KLF8: variants seen among roughly 807,000 people sequenced by gnomAD.
The protein encoded by KLF8 is KLF transcription factor 8.
KLF8 carries 10 observed loss-of-function variants against 18.2 expected under a neutral mutation model. That is an observed-to-expected ratio of 0.55 (90% confidence interval 0.34 to 0.93). The LOEUF is 0.93. Ranked by LOEUF, KLF8 falls within the 40% of genes least tolerant of loss-of-function variation. The pLI, the probability that KLF8 is intolerant of heterozygous loss-of-function variation, is 0.02. For synonymous variants in KLF8, 109 were observed against 97.3 expected (o/e 1.12, Z -0.71); for missense variants, 264 against 277.9 (o/e 0.95, Z 0.36).
chrX:56,181,251 T>A, the KLF8 span, among the ~76,000 whole-genome samples: 1 of 111,542 alleles, frequency 9.0e-6, no homozygotes, highest in Non-Finnish European at 1.9e-5. Context: ...TTTGTTGGTT[T>A]AAAGTCTGTT....
chrX:56,262,624 A>G (rs1294764424), intron 2 of KLF8, among the ~76,000 whole-genome samples: 4 of 111,494 alleles, frequency 3.6e-5, no homozygotes, highest in Non-Finnish European at 7.5e-5. Context: ...ACCCACAACT[A>G]TATTCTTACA....
the KLF8 span, among the ~76,000 whole-genome samples, chrX:56,087,815 T>G: frequency 3.6e-5 from 4 of 112,015 alleles, no homozygotes; most frequent in Non-Finnish European, 7.5e-5. Flanking sequence ...TTATTTACTT[T>G]GTTAATCAAT....
the KLF8 span, among the ~76,000 whole-genome samples, chrX:56,176,609 T>C: frequency 1.8e-5 from 2 of 111,063 alleles, no homozygotes; most frequent in Admixed American, 1.9e-4. Flanking sequence ...AGGAATATCT[T>C]TGTGGTGTTC....
At chrX:56,063,916 A>G in the KLF8 span, among the ~76,000 whole-genome samples, 3 of 109,630 alleles carry the variant, frequency 2.7e-5, no homozygotes, top group Admixed American at 9.9e-5. Context: ...TAGGCTCCCT[A>G]TGTGTTCTAA....
At chrX:56,103,858 T>C in the KLF8 span, among the ~76,000 whole-genome samples, 4 of 111,119 alleles carry the variant, frequency 3.6e-5, no homozygotes, top group Admixed American at 1.9e-4. Context: ...TTGTCATAGA[T>C]AGCTCTTATT....
the KLF8 span, among the ~76,000 whole-genome samples, chrX:56,085,109 T>A: frequency 1.8e-5 from 2 of 112,117 alleles, no homozygotes; most frequent in African/African-American, 6.5e-5. Context: ...TCTGAGCTAA[T>A]TAGCCCCAGA....
At chrX:56,080,473 G>C in the KLF8 span, among the ~76,000 whole-genome samples, 1 of 110,876 alleles carries the variant, frequency 9.0e-6, no homozygotes, top group Non-Finnish European at 1.9e-5. Flanking sequence ...GTTGAATATT[G>C]GCCCCCATTC....
chrX:56,138,098 A>G, the KLF8 span, among the ~76,000 whole-genome samples: 2 of 105,797 alleles, frequency 1.9e-5, no homozygotes, highest in Non-Finnish European at 3.9e-5. Context: ...ACATCTATGC[A>G]CACAAACTGG....
At chrX:56,178,064 C>T in the KLF8 span, among the ~76,000 whole-genome samples, 2 of 112,030 alleles carry the variant, frequency 1.8e-5, no homozygotes, top group African/African-American at 3.2e-5. Flanking sequence ...GAGGTGATGC[C>T]TCTCCCTGCT....
At chrX:56,243,403 G>A (rs182966849) in intron 1 of KLF8, 6 of 256,499 alleles carry the variant, frequency 2.3e-5, no homozygotes, top group African/African-American at 5.8e-5. Flanking sequence ...TTCCCTTTCC[G>A]CGCCATCTTA....
the KLF8 span, among the ~76,000 whole-genome samples, chrX:56,033,724 T>C: frequency 8.9e-6 from 1 of 112,004 alleles, no homozygotes; most frequent in African/African-American, 3.2e-5. Context: ...GGTTATATTA[T>C]ATTGTGGTTT....
chrX:56,248,521 C>T (rs1203568980), intron 1 of KLF8, among the ~76,000 whole-genome samples: 1 of 111,732 alleles, frequency 8.9e-6, no homozygotes, highest in Non-Finnish European at 1.9e-5. Flanking sequence ...TCTCTTAATC[C>T]ATAGGAATCG....
At chrX:56,208,388 T>C in the KLF8 span, among the ~76,000 whole-genome samples, 1 of 112,127 alleles carries the variant, frequency 8.9e-6, no homozygotes, top group Admixed American at 9.5e-5. Flanking sequence ...CTCATCTGGC[T>C]AAAGGTTTGT....
the KLF8 span, among the ~76,000 whole-genome samples, chrX:56,111,160 A>C: frequency 2.9e-4 from 33 of 112,526 alleles, no homozygotes; most frequent in South Asian, 0.011. Flanking sequence ...ACTGCCTTCT[A>C]ACTCTTATGG....
chrX:56,120,405 C>T, the KLF8 span, among the ~76,000 whole-genome samples: 1 of 112,242 alleles, frequency 8.9e-6, no homozygotes, highest in Non-Finnish European at 1.9e-5. Flanking sequence ...GACCTTTGTG[C>T]AGTGGCTAAG....
chrX:56,046,433 A>G, the KLF8 span, among the ~76,000 whole-genome samples: 1 of 111,059 alleles, frequency 9.0e-6, no homozygotes, highest in Non-Finnish European at 1.9e-5. Flanking sequence ...GTCAGGTACT[A>G]TTTTATTCAT....
At chrX:56,257,783 A>C (rs192186174) in intron 2 of KLF8, among the ~76,000 whole-genome samples, 115 of 112,384 alleles carry the variant, frequency 1.0e-3, no homozygotes, top group African/African-American at 3.6e-3. Flanking sequence ...CGTTGATTTC[A>C]TGTCTTTGCT....
chrX:56,047,855 T>G, the KLF8 span, among the ~76,000 whole-genome samples: 53 of 111,855 alleles, frequency 4.7e-4, no homozygotes, highest in African/African-American at 1.5e-3. Flanking sequence ...ACTTCCACTA[T>G]GGTTGAACTA....
At chrX:56,052,614 A>G in the KLF8 span, among the ~76,000 whole-genome samples, 7 of 111,912 alleles carry the variant, frequency 6.3e-5, no homozygotes, top group Non-Finnish European at 9.4e-5. Flanking sequence ...TTGAGGAAGC[A>G]GTCTCCCCAT....
Sources: gnomAD v4.1 joint callset for allele counts (sites outside exome capture counted in the v4.1 genomes callset) on GRCh38, gnomAD v4.1.1 for gene constraint, MANE v1.5 for transcripts, NCBI Gene and HGNC (gene_info 2026-07-23, HGNC 2026-07-21) for gene names.